CORO7: variants seen among roughly 807,000 people sequenced by gnomAD.
CORO7 encodes coronin 7, also known as coronin-7.
A neutral mutation model predicts 126.6 loss-of-function variants in CORO7; 107 were observed. That is an observed-to-expected ratio of 0.85 (90% CI 0.72 to 0.99). The LOEUF (loss-of-function observed/expected upper bound fraction) is 0.99, where lower values mean the gene tolerates loss of function less well. CORO7 is among the 50% of genes least tolerant of loss of function. The pLI, the probability that CORO7 is intolerant of heterozygous loss-of-function variation, is 0.00. For missense variants in CORO7, 1,314 were observed against 1,255.8 expected (o/e 1.05, Z -0.70); for synonymous variants, 603 against 536.8 (o/e 1.12, Z -1.70).
chr16:4,370,280 G>C (rs13334331), intron 9 of CORO7, among the ~76,000 whole-genome samples: 4,720 of 152,296 alleles, frequency 0.031, 257 homozygotes, highest in African/African-American at 0.11. Flanking sequence ...AACTCAGATG[G>C]TTCTGGGGCC....
At chr16:4,370,752 G>C (rs2054494775) in intron 9 of CORO7, among the ~76,000 whole-genome samples, 3 of 152,212 alleles carry the variant, frequency 2.0e-5, no homozygotes, top group Admixed American at 2.0e-4. Flanking sequence ...AGATAACTGA[G>C]TCCTCCAGAG....
At chr16:4,392,245 G>T (rs1007391224) in intron 7 of CORO7, among the ~76,000 whole-genome samples, 1 of 152,138 alleles carries the variant, frequency 6.6e-6, no homozygotes, top group African/African-American at 2.4e-5. Context: ...AGCTGGGCCG[G>T]TTGTAAAGGG....
chr16:4,391,936 C>T (rs1003105284), intron 7 of CORO7, among the ~76,000 whole-genome samples: 4 of 152,198 alleles, frequency 2.6e-5, no homozygotes, highest in African/African-American at 9.7e-5. Flanking sequence ...GGAGGGGAGG[C>T]GCGTGCCCGC....
chr16:4,361,518 G>C, intron 16 of CORO7, 49 bp from the exon 17 acceptor site: 1 of 1,596,214 alleles, frequency 6.3e-7, no homozygotes, highest in Non-Finnish European at 8.5e-7. Flanking sequence ...AGGCAGAAAA[G>C]CCAGTCCCCA....
chr16:4,405,124 C>T lies in CORO7; in HGVS notation c.564+367G>A, dbSNP rs186467265. On this transcript the variant is annotated intron_variant, in intron 6 of 27. Coordinates refer to ENST00000251166, the MANE Select transcript of CORO7 (RefSeq NM_024535.5). ...CTGTCCTCGACGGAAGTCACCTCCC[C>T]AGCAACTGGGGCCTGGCCCAGCACC... Among the ~76,000 whole-genome samples, 10 of 152,350 alleles carry T rather than the reference C, an allele frequency of 6.6e-5. No individual in the cohort carries two copies. In the East Asian group the frequency reaches 1.9e-3, roughly 29 times the overall value.
chr16:4,399,822 T>C (rs1368241235), intron 6 of CORO7, among the ~76,000 whole-genome samples: 1 of 151,948 alleles, frequency 6.6e-6, no homozygotes, highest in Non-Finnish European at 1.5e-5. Flanking sequence ...GCCTTAGAGT[T>C]TGAGGCTGCA....
At chr16:4,363,461 C>T (rs1325104203) in intron 14 of CORO7, among the ~76,000 whole-genome samples, 1 of 150,042 alleles carries the variant, frequency 6.7e-6, no homozygotes, top group African/African-American at 2.5e-5. Context: ...AATCCCAGCA[C>T]TTTGGGAGGC....
At chr16:4,399,325 C>T (rs1464936421) in intron 6 of CORO7, among the ~76,000 whole-genome samples, 2 of 152,172 alleles carry the variant, frequency 1.3e-5, no homozygotes, top group East Asian at 1.9e-4. Flanking sequence ...CTGCACGCCA[C>T]GAGTAACCCT....
chr16:4,370,363 G>A (rs1328716197), intron 9 of CORO7, among the ~76,000 whole-genome samples: 4 of 152,234 alleles, frequency 2.6e-5, no homozygotes, highest in East Asian at 3.8e-4. Context: ...GGTGACCCAT[G>A]AGCCCACATT....
At chr16:4,396,163 T>C (rs1461233631) in intron 6 of CORO7, among the ~76,000 whole-genome samples, 1 of 152,130 alleles carries the variant, frequency 6.6e-6, no homozygotes, top group African/African-American at 2.4e-5. Context: ...CACTGCAACC[T>C]CTGCCTCCCT....
chr16:4,377,347 C>T (rs1440501297), intron 9 of CORO7, among the ~76,000 whole-genome samples: 1 of 45,120 alleles, frequency 2.2e-5, no homozygotes, highest in East Asian at 5.8e-4. Context: ...CTGGGATCAC[C>T]GGGTGGGAGG....
chr16:4,362,012 G>A lies in CORO7; in HGVS notation c.1551C>T (p.Ser517=), dbSNP rs775797106. 8 of 1,611,590 alleles carry A rather than the reference G, an allele frequency of 5.0e-6. No individual in the cohort carries two copies. The highest frequency in any genetic ancestry group is 5.9e-6 in the Non-Finnish European group (7 of 1,179,294). ...NKLRVAVPLL[S]SGGQVAVLEL... ...CAAGCACAGCCACCTGTCCCCCGCT[G>A]CTGAGCAGCGGCACGGCCACACGCA... The change falls in exon 16 of 28, where the codon AGC becomes AGT. Residue 517 remains serine (S), a synonymous_variant. Transcript: ENST00000251166. The surrounding 1 kb of genome is among the most constrained non-coding windows in gnomAD (Gnocchi z 5.3).
At chr16:4,370,598 G>A (rs539072014) in intron 9 of CORO7, among the ~76,000 whole-genome samples, 113 of 152,354 alleles carry the variant, frequency 7.4e-4, no homozygotes, top group African/African-American at 2.6e-3. Flanking sequence ...ACCGAGAAAC[G>A]TATGGGTTGT....
In CORO7 at chr16:4,362,548, T is replaced by C; in HGVS notation, c.1402+64A>G. 6.7e-7 allele frequency: 1 copy of C among 1,483,434 alleles called. No homozygotes were observed. The highest frequency in any genetic ancestry group is 8.9e-7 in the Non-Finnish European group (1 of 1,118,174). 91.9% of individuals were successfully genotyped at this position (1,483,434 alleles called of 1,614,324 possible). ...CTCAGCAGTAGGGTACACAGGAGGA[T>C]GACGGGGAGTGGGGCAGACAGGGCT... On this transcript the variant is annotated intron_variant, in intron 15 of 27. Coordinates refer to ENST00000251166, the MANE Select transcript of CORO7 (RefSeq NM_024535.5). The surrounding 1 kb of genome is among the most constrained non-coding windows in gnomAD (Gnocchi z 5.3).
rs781185643 is a variant in CORO7 at position 4,388,583 on chromosome 16, C to T, written c.664G>A (p.Gly222Ser). 1 of 1,613,124 alleles carries T rather than the reference C, an allele frequency of 6.2e-7. No homozygotes were observed. Among genetic ancestry groups the T allele is most frequent in the Admixed American group, 1.7e-5 (1 of 59,980 alleles). Residue 222 changes from glycine to serine, a missense_variant, in exon 8 of 28, where the codon GGC becomes AGC. By Grantham distance (56) the Gly-to-Ser change is moderately conservative. Coordinates refer to ENST00000251166, the MANE Select transcript of CORO7 (RefSeq NM_024535.5). ...NSRDSRLAWM[G>S]TWEHLVSTGF... ...GTAGACACAAGGTGCTCCCAGGTGCCCATCCATGCCAGCCGGCTATCCCTG... is the reference window on the plus strand; with the variant it reads ...GTAGACACAAGGTGCTCCCAGGTGCTCATCCATGCCAGCCGGCTATCCCTG...
At chr16:4,372,259 T>C (rs2054562994) in intron 9 of CORO7, among the ~76,000 whole-genome samples, 1 of 152,138 alleles carries the variant, frequency 6.6e-6, no homozygotes, top group Admixed American at 6.5e-5. Flanking sequence ...GCAGACAAAA[T>C]AAACACCCCG....
At chr16:4,386,156 G>A (rs1305937723) in intron 9 of CORO7, among the ~76,000 whole-genome samples, 1 of 152,196 alleles carries the variant, frequency 6.6e-6, no homozygotes, top group Non-Finnish European at 1.5e-5. Context: ...CAGGGCTCGG[G>A]GGCAGAGGGG....
At chr16:4,366,583 C>G (rs1437158934) in intron 9 of CORO7, among the ~76,000 whole-genome samples, 1 of 150,140 alleles carries the variant, frequency 6.7e-6, no homozygotes, top group African/African-American at 2.5e-5. Context: ...CCTCTGTCAC[C>G]CAGGCTGGAG....
At chr16:4,365,274 T>C (rs948986886) in intron 10 of CORO7, among the ~76,000 whole-genome samples, 6 of 152,040 alleles carry the variant, frequency 3.9e-5, no homozygotes, top group African/African-American at 1.5e-4. Context: ...GCACCGGGGG[T>C]GTACGTCAGT....
Sources: gnomAD v4.1 joint callset for allele counts (sites outside exome capture counted in the v4.1 genomes callset) on GRCh38, gnomAD v4.1.1 for gene constraint, Gnocchi (gnomAD v3.1) non-coding constraint, MANE v1.5 for transcripts, NCBI Gene and HGNC (gene_info 2026-07-23, HGNC 2026-07-21) for gene names.